DARS1: variants seen among roughly 807,000 people sequenced by gnomAD.
DARS1 encodes aspartyl-tRNA synthetase 1.
A neutral mutation model predicts 68.8 loss-of-function variants in DARS1; 51 were observed. The observed-to-expected ratio is 0.74, with a 90% confidence interval of 0.59 to 0.94. DARS1 has a LOEUF of 0.94. DARS1 is among the 40% of genes least tolerant of loss of function. DARS1 has a pLI of 0.00. For missense variants in DARS1, 607 were observed against 597.3 expected, an observed-to-expected ratio of 1.02 and a Z score of -0.17; for synonymous variants, 203 against 190.4, an observed-to-expected ratio of 1.07 and a Z score of -0.55.
intron 3 of DARS1, among the ~76,000 whole-genome samples, chr2:135,975,299 T>G (rs1448609588): frequency 6.6e-6 from 1 of 152,034 alleles, no homozygotes; most frequent in African/African-American, 2.4e-5. Context: ...GAGCGGAGAC[T>G]GTGCCACTGC....
chr2:135,947,547 G>A (rs1441446929), intron 4 of DARS1, among the ~76,000 whole-genome samples: 3 of 151,936 alleles, frequency 2.0e-5, no homozygotes, highest in African/African-American at 7.2e-5. Flanking sequence ...GCTTTAGGTA[G>A]ACACTATCTC....
chr2:135,982,791 T>C (rs950098027), intron 2 of DARS1, among the ~76,000 whole-genome samples: 13 of 152,070 alleles, frequency 8.5e-5, no homozygotes, highest in African/African-American at 3.1e-4. Flanking sequence ...AGAGAAGATG[T>C]AAGATGGAAG....
intron 3 of DARS1, among the ~76,000 whole-genome samples, chr2:135,962,228 T>C (rs1205992788): frequency 2.0e-5 from 3 of 152,228 alleles, no homozygotes; most frequent in African/African-American, 7.2e-5. Flanking sequence ...TAAAGAACTG[T>C]TACTCCTTAT....
At chr2:135,930,466 C>A (rs1681317316) in intron 7 of DARS1, among the ~76,000 whole-genome samples, 1 of 152,122 alleles carries the variant, frequency 6.6e-6, no homozygotes. Context: ...AAAGATGGCT[C>A]AGTTTCTATG....
chr2:135,956,270 G>A (rs985162246), intron 4 of DARS1, among the ~76,000 whole-genome samples: 4 of 152,142 alleles, frequency 2.6e-5, no homozygotes, highest in Admixed American at 6.5e-5. Flanking sequence ...GCTTAACTTT[G>A]AATACACGAT....
chr2:135,957,086 C>T (rs1681992227), intron 4 of DARS1, among the ~76,000 whole-genome samples: 1 of 151,984 alleles, frequency 6.6e-6, no homozygotes, highest in Non-Finnish European at 1.5e-5. Flanking sequence ...ATTTTTTAAG[C>T]CAGAGTCTTG....
At chr2:135,920,744 CTGTT>C in intron 9 of DARS1, 144 bp from the exon 10 acceptor site, 1 of 1,094,202 alleles carries the variant, frequency 9.1e-7, no homozygotes, top group Admixed American at 3.6e-5. Flanking sequence ...GATGAACCAT[CTGTT>C]TGAGCATTAT....
At chr2:135,942,860 C>T (rs143299422) in intron 5 of DARS1, among the ~76,000 whole-genome samples, 1 of 152,102 alleles carries the variant, frequency 6.6e-6, no homozygotes, top group African/African-American at 2.4e-5. Flanking sequence ...CATGTATATT[C>T]CCCTGCAATC....
chr2:135,977,502 A>T (rs766980582), intron 3 of DARS1, among the ~76,000 whole-genome samples: 4 of 152,220 alleles, frequency 2.6e-5, no homozygotes, highest in Non-Finnish European at 5.9e-5. Flanking sequence ...TAATTTGCTA[A>T]ATTACTATGT....
In DARS1 at chr2:135,907,242, C is replaced by CTTTTTTTTTTTTTTT. The variant is rs992435404; in HGVS notation, c.*59_*73dup. On this transcript the variant is annotated 3_prime_UTR_variant, in exon 16 of 16. Transcript: ENST00000264161. Reference sequence around the variant, plus strand: ...TACTGAAAAGAATAAGTGTGGCTTTCTTTTTTTTTTTTTTTTTTTGAGGCA... The same window carrying CTTTTTTTTTTTTTTT: ...TACTGAAAAGAATAAGTGTGGCTTTCTTTTTTTTTTTTTTTTTTTTTTTTTTTTTTTTTTGAGGCA... The CTTTTTTTTTTTTTTT allele has an allele frequency of 2.3e-3, 1,057 of 453,438 alleles. 82 individuals carry two copies. The highest frequency in any genetic ancestry group is 3.7e-3 in the Admixed American group (80 of 21,696). 28.1% of individuals were successfully genotyped at this position (453,438 alleles called of 1,614,324 possible).
intron 4 of DARS1, among the ~76,000 whole-genome samples, chr2:135,956,349 C>A (rs1681976822): frequency 6.6e-6 from 1 of 152,048 alleles, no homozygotes. Context: ...CTAAGAGGAG[C>A]CATCAGGAGA....
chr2:135,937,791 T>G (rs1467794202), intron 5 of DARS1, among the ~76,000 whole-genome samples: 1 of 152,014 alleles, frequency 6.6e-6, no homozygotes, highest in Non-Finnish European at 1.5e-5. Context: ...TTGAAATTTC[T>G]TTTCTTTAAG....
chr2:135,974,213 C>G (rs1682448277), intron 3 of DARS1, among the ~76,000 whole-genome samples: 1 of 152,186 alleles, frequency 6.6e-6, no homozygotes, highest in Admixed American at 6.5e-5. Context: ...AATGTGTGTA[C>G]TGGATGACGC....
chr2:135,908,367 T>C (rs1437212628), intron 15 of DARS1, among the ~76,000 whole-genome samples: 4 of 152,190 alleles, frequency 2.6e-5, no homozygotes, highest in East Asian at 1.9e-4. Context: ...ACTCACAGCA[T>C]TGTGCAATCA....
At chr2:135,924,832 C>G (rs1048451955) in intron 7 of DARS1, among the ~76,000 whole-genome samples, 3 of 151,966 alleles carry the variant, frequency 2.0e-5, no homozygotes, top group South Asian at 2.1e-4. Flanking sequence ...GGCAACCAAC[C>G]CATAAAGTGA....
At chr2:135,916,647 G>A (rs1229049151) in intron 10 of DARS1, among the ~76,000 whole-genome samples, 1 of 152,054 alleles carries the variant, frequency 6.6e-6, no homozygotes, top group Non-Finnish European at 1.5e-5. Context: ...CCCATTTTAT[G>A]AAGCATTACA....
intron 5 of DARS1, among the ~76,000 whole-genome samples, chr2:135,937,325 G>C (rs531900655): frequency 6.6e-6 from 1 of 152,076 alleles, no homozygotes; most frequent in South Asian, 2.1e-4. Context: ...CTGACCTCAA[G>C]TGACACTTAT....
At chr2:135,958,973 TAAAA>T (rs985325503) in intron 4 of DARS1, among the ~76,000 whole-genome samples, 2 of 144,732 alleles carry the variant, frequency 1.4e-5, no homozygotes, top group Non-Finnish European at 3.0e-5. Flanking sequence ...GTCCTTTGCT[TAAAA>T]AAAAAAAAAT....
rs79268627 is a variant in DARS1, at chr2:135,936,148, T to A, written c.424-2158A>T. On this transcript the variant is annotated intron_variant, in intron 5 of 15. Coordinates refer to ENST00000264161, the MANE Select transcript of DARS1 (RefSeq NM_001349.4). Reference sequence around the variant, plus strand: ...CAAAGCACCTATCAACAGTAACTGCTGGCTGAATAAATAAATAAGTGATAA... The same window carrying A: ...CAAAGCACCTATCAACAGTAACTGCAGGCTGAATAAATAAATAAGTGATAA... 7.7e-3 allele frequency among the ~76,000 whole-genome samples: 1,166 copies of A among 152,348 alleles called. 98 individuals carry two copies. In the East Asian group the frequency reaches 0.2, roughly 26 times the overall value.
Sources: gnomAD v4.1 joint callset for allele counts (sites outside exome capture counted in the v4.1 genomes callset) on GRCh38, gnomAD v4.1.1 for gene constraint, MANE v1.5 for transcripts, NCBI Gene and HGNC (gene_info 2026-07-23, HGNC 2026-07-21) for gene names.